CPVL: variants seen among roughly 807,000 people sequenced by gnomAD.
The protein encoded by CPVL is carboxypeptidase vitellogenic like.
Under a neutral mutation model 63.7 loss-of-function variants are expected in CPVL, and 51 were observed. The ratio of observed to expected loss-of-function variants is 0.80; its 90% confidence interval spans 0.64 to 1.01. The LOEUF (loss-of-function observed/expected upper bound fraction) is 1.01, where lower values mean the gene tolerates loss of function less well. Among genes scored for constraint, CPVL ranks in the 50% least tolerant of loss-of-function variants. CPVL has a pLI of 0.00. For synonymous variants in CPVL, 195 were observed against 206.0 expected (o/e 0.95, Z 0.46); for missense variants, 530 against 573.1 (o/e 0.92, Z 0.77).
chr7:29,083,071 G>C (rs532752662), intron 7 of CPVL, among the ~76,000 whole-genome samples: 2 of 152,260 alleles, frequency 1.3e-5, no homozygotes, highest in African/African-American at 4.8e-5. Flanking sequence ...AAGTTGTCCT[G>C]ACTGCATAAC....
rs1783113708 is a variant in CPVL at position 29,066,115 on chromosome 7, C to A, written c.871G>T (p.Asp291Tyr). 1 of 1,556,994 alleles carries A rather than the reference C, an allele frequency of 6.4e-7. No homozygotes were observed. The highest frequency in any genetic ancestry group is 8.8e-7 in the Non-Finnish European group (1 of 1,131,626). ...QNWFEAFEIL[D>Y]KLLDGDLTSD... is the part of the protein sequence containing the mutation. ...GTTAAGTCGCCATCTAGTAGTTTAT[C>A]CAGTATCTAGGTTGGGAGAGAGGGA... Residue 291 changes from aspartate (D) to tyrosine (Y), a missense_variant, in exon 10 of 13, where the codon GAT (aspartate) becomes TAT (tyrosine). Coordinates refer to ENST00000265394, the MANE Select transcript of CPVL (RefSeq NM_031311.5).
At chr7:29,146,406 C>G in intron 1 of CPVL, 23 bp downstream of exon 1, 1 of 937,032 alleles carries the variant, frequency 1.1e-6, no homozygotes, top group South Asian at 1.9e-5. Flanking sequence ...TGGCACGACC[C>G]ACGCAGGGCA....
At chr7:29,079,925 C>T (rs73075281) in intron 7 of CPVL, among the ~76,000 whole-genome samples, 16,017 of 152,098 alleles carry the variant, frequency 0.11, 1,047 homozygotes, top group Middle Eastern at 0.15. Flanking sequence ...AATGAGTTGA[C>T]AACAAGTCAG....
At chr7:29,083,094 A>T (rs1009147687) in intron 7 of CPVL, among the ~76,000 whole-genome samples, 2 of 152,220 alleles carry the variant, frequency 1.3e-5, no homozygotes, top group Non-Finnish European at 2.9e-5. Flanking sequence ...GCTTAAAAAA[A>T]CCTAAAGTGT....
At chr7:29,176,164 C>A (rs1443799668) in intron 5 of CPVL, among the ~76,000 whole-genome samples, 1 of 149,336 alleles carries the variant, frequency 6.7e-6, no homozygotes, top group Non-Finnish European at 1.5e-5. Context: ...CCAGCCTAGG[C>A]GACAGAGCAA....
chr7:29,146,407 A>T (rs2128680363), intron 1 of CPVL, 22 bp downstream of exon 1: 1 of 954,518 alleles, frequency 1.0e-6, no homozygotes, highest in Non-Finnish European at 1.5e-6. Context: ...GGCACGACCC[A>T]CGCAGGGCAG....
At chr7:29,182,267 A>G (rs1284824220) in intron 4 of CPVL, among the ~76,000 whole-genome samples, 1 of 152,238 alleles carries the variant, frequency 6.6e-6, no homozygotes, top group Admixed American at 6.5e-5. Flanking sequence ...GAGGAAGGTT[A>G]GCAGTGGTGG....
At chr7:29,086,666 T>C (rs1277666687) in intron 6 of CPVL, 116 bp from the exon 7 acceptor site, 1 of 750,062 alleles carries the variant, frequency 1.3e-6, no homozygotes, top group African/African-American at 1.8e-5. Context: ...TGAAATAAGA[T>C]ACCACTCTGC....
intron 1 of CPVL, chr7:29,145,876 T>G (rs892456026): frequency 2.0e-5 from 3 of 152,236 alleles, no homozygotes; most frequent in African/African-American, 7.2e-5. Flanking sequence ...ACCTGTCTCC[T>G]GTGCCCTTGG....
At chr7:29,174,853 C>G (rs968114741) in intron 5 of CPVL, among the ~76,000 whole-genome samples, 9 of 141,390 alleles carry the variant, frequency 6.4e-5, no homozygotes, top group Non-Finnish European at 9.2e-5. Flanking sequence ...AAGAGCAAAA[C>G]TCCATCTAAA....
At chr7:29,072,481 G>A in intron 7 of CPVL, 58 bp from the exon 8 acceptor site, 1 of 1,577,542 alleles carries the variant, frequency 6.3e-7, no homozygotes, top group Non-Finnish European at 8.7e-7. Context: ...AAAATTAAAT[G>A]TACTTAAGCT....
intron 3 of CPVL, among the ~76,000 whole-genome samples, chr7:29,097,629 G>A (rs1156948076): frequency 1.3e-5 from 2 of 152,238 alleles, no homozygotes; most frequent in African/African-American, 4.8e-5. Flanking sequence ...CAGGGAGGCA[G>A]AGGTTGCAGT....
intron 11 of CPVL, among the ~76,000 whole-genome samples, chr7:29,045,680 G>A (rs2128168486): frequency 6.6e-6 from 1 of 152,308 alleles, no homozygotes; most frequent in South Asian, 2.1e-4. Flanking sequence ...TATCATTTAA[G>A]TGTTAAATTT....
intron 1 of CPVL, among the ~76,000 whole-genome samples, chr7:29,135,055 G>C (rs1438204969): frequency 6.8e-6 from 1 of 147,418 alleles, no homozygotes; most frequent in African/African-American, 2.5e-5. Flanking sequence ...AGTGAGCCAT[G>C]ATCGCACCAC....
At chr7:29,032,608 G>A (rs770663409) in intron 11 of CPVL, among the ~76,000 whole-genome samples, 26 of 152,096 alleles carry the variant, frequency 1.7e-4, no homozygotes, top group South Asian at 4.1e-4. Context: ...ACCATTCTAC[G>A]AAGACCTGAT....
Position 29,115,378 on chromosome 7 carries a change from A to G in CPVL, c.170-2556T>C, listed in dbSNP as rs564615298. ...GAGGTCTATCCCTCCTCCATCAGAA[A>G]AAAAGCCAGAGAAAAAGAGAGAGAG... On this transcript the variant is annotated intron_variant, in intron 2 of 12. Transcript: ENST00000265394. 1.6e-4 allele frequency among the ~76,000 whole-genome samples: 24 copies of G among 152,310 alleles called. No homozygotes were observed. The South Asian group carries it at 4.8e-3, about 30-fold the overall frequency.
intron 11 of CPVL, among the ~76,000 whole-genome samples, chr7:29,063,617 C>T (rs1782843364): frequency 6.6e-6 from 1 of 152,160 alleles, no homozygotes; most frequent in Admixed American, 6.5e-5. Flanking sequence ...GTTGCCCAGG[C>T]TGGAGTGCAA....
intron 11 of CPVL, among the ~76,000 whole-genome samples, chr7:29,043,983 C>G (rs1027792843): frequency 6.6e-6 from 1 of 152,010 alleles, no homozygotes; most frequent in African/African-American, 2.4e-5. Flanking sequence ...GTATGGCAAA[C>G]AGACTCAAAT....
At chr7:29,145,283 G>T (rs940521647) in intron 1 of CPVL, among the ~76,000 whole-genome samples, 3 of 149,326 alleles carry the variant, frequency 2.0e-5, no homozygotes, top group African/African-American at 7.4e-5. Context: ...GAAAAAAAAT[G>T]AGTTGTACAT....
Sources: gnomAD v4.1 joint callset for allele counts (sites outside exome capture counted in the v4.1 genomes callset) on GRCh38, gnomAD v4.1.1 for gene constraint, MANE v1.5 for transcripts, NCBI Gene and HGNC (gene_info 2026-07-23, HGNC 2026-07-21) for gene names.